Variants in ASIC2 observed in about 807,000 individuals in gnomAD.
ASIC2 encodes the protein acid-sensing ion channel 2.
A neutral mutation model predicts 57.3 loss-of-function variants in ASIC2; 25 were observed. The ratio of observed to expected loss-of-function variants is 0.44; its 90% CI spans 0.32 to 0.61. The LOEUF (loss-of-function observed/expected upper bound fraction) is 0.61. Ranked by LOEUF, ASIC2 falls within the 20% of genes least tolerant of loss-of-function variation. The pLI is 0.06. For synonymous variants in ASIC2, 319 were observed against 307.5 expected (o/e 1.04, Z -0.39); for missense variants, 641 against 738.1 (o/e 0.87, Z 1.52).
rs117541041 is a variant in ASIC2, at chr17:34,020,905, T to C, written c.555+135073A>G. Among the ~76,000 whole-genome samples, 868 of 152,298 alleles carry C rather than the reference T, an allele frequency of 5.7e-3. 3 individuals are homozygous for C. Among genetic ancestry groups the C allele is most frequent in the Non-Finnish European group, 9.7e-3 (659 of 68,024 alleles). Reference sequence around the variant, plus strand: ...TTGTTTTAAGTTGCTAAGTTTATGGTGATTGGTTATATAACAATAGAAAAG... The same window carrying C: ...TTGTTTTAAGTTGCTAAGTTTATGGCGATTGGTTATATAACAATAGAAAAG... On this transcript the variant is annotated intron_variant, in intron 1 of 9. Transcript: ENST00000359872.
chr17:33,612,290 A>T (rs2142016246), intron 1 of ASIC2, among the ~76,000 whole-genome samples: 1 of 152,280 alleles, frequency 6.6e-6, no homozygotes, highest in African/African-American at 2.4e-5. Context: ...TGACACAAAA[A>T]ATTGGTCATC....
chr17:33,870,969 T>C (rs1292543661), intron 1 of ASIC2, among the ~76,000 whole-genome samples: 1 of 152,190 alleles, frequency 6.6e-6, no homozygotes, highest in Admixed American at 6.5e-5. Flanking sequence ...TGCGCTTTGC[T>C]TGTGCCCACC....
chr17:33,812,405 G>C (rs1040287498), intron 1 of ASIC2, among the ~76,000 whole-genome samples: 1 of 152,212 alleles, frequency 6.6e-6, no homozygotes, highest in African/African-American at 2.4e-5. Context: ...TCCCCTGCCT[G>C]TCCATGAGTT....
chr17:33,840,094 T>G (rs1202033293), intron 1 of ASIC2, among the ~76,000 whole-genome samples: 4 of 152,264 alleles, frequency 2.6e-5, no homozygotes, highest in Non-Finnish European at 4.4e-5. Context: ...TTCTGATGAT[T>G]TATTTGGTGT....
intron 1 of ASIC2, among the ~76,000 whole-genome samples, chr17:33,722,737 G>A (rs948946881): frequency 6.6e-5 from 10 of 152,226 alleles, no homozygotes; most frequent in Non-Finnish European, 8.8e-5. Flanking sequence ...CACTGCAGCC[G>A]GGGTAACAGG....
intron 1 of ASIC2, among the ~76,000 whole-genome samples, chr17:34,042,011 T>G (rs555721672): frequency 5.3e-5 from 8 of 152,198 alleles, no homozygotes; most frequent in Non-Finnish European, 1.0e-4. Context: ...ATTAGAGAAT[T>G]GTAGGACAAA....
chr17:33,628,561 A>G (rs1216216300), intron 1 of ASIC2, among the ~76,000 whole-genome samples: 1 of 152,056 alleles, frequency 6.6e-6, no homozygotes, highest in Non-Finnish European at 1.5e-5. Context: ...CTCCCAAGGT[A>G]TGAGGGTTAC....
intron 1 of ASIC2, among the ~76,000 whole-genome samples, chr17:33,155,969 C>T (rs1904990982): frequency 6.6e-6 from 1 of 152,138 alleles, no homozygotes; most frequent in Non-Finnish European, 1.5e-5. Context: ...TCAGACCTAC[C>T]ATGGTTTGAA....
intron 1 of ASIC2, among the ~76,000 whole-genome samples, chr17:33,375,375 T>C (rs984375056): frequency 2.8e-5 from 4 of 140,562 alleles, no homozygotes; most frequent in African/African-American, 8.0e-5. Flanking sequence ...AGAGAGGCAG[T>C]GTGGTGGGGG....
At chr17:33,941,772 G>A (rs910353341) in intron 1 of ASIC2, among the ~76,000 whole-genome samples, 1 of 152,202 alleles carries the variant, frequency 6.6e-6, no homozygotes, top group African/African-American at 2.4e-5. Context: ...CTGTGCTTCT[G>A]CCTGGGACAT....
At chr17:33,444,195 A>T (rs1400451648) in intron 1 of ASIC2, among the ~76,000 whole-genome samples, 2 of 152,202 alleles carry the variant, frequency 1.3e-5, no homozygotes, top group African/African-American at 4.8e-5. Context: ...GAAAGGATTT[A>T]TCAACTTCTT....
chr17:33,504,685 C>A (rs927990393), intron 1 of ASIC2, among the ~76,000 whole-genome samples: 4 of 152,182 alleles, frequency 2.6e-5, no homozygotes, highest in African/African-American at 7.2e-5. Flanking sequence ...TTGCCGCATA[C>A]TCCTGGTGAC....
intron 1 of ASIC2, among the ~76,000 whole-genome samples, chr17:33,780,163 G>C (rs1393022754): frequency 6.6e-6 from 1 of 151,906 alleles, no homozygotes; most frequent in East Asian, 1.9e-4. Context: ...TAGAGACGGG[G>C]TTTTGCTATG....
rs183857045 is a variant in ASIC2, at chr17:33,276,994, C to T, written c.708+14414G>A. Among the ~76,000 whole-genome samples, 685 of 152,284 alleles carry T rather than the reference C, an allele frequency of 4.5e-3. 3 individuals are homozygous for T. Among genetic ancestry groups the T allele is most frequent in the Middle Eastern group, 0.024 (7 of 294 alleles). On this transcript the variant is annotated intron_variant, in intron 1 of 9. Coordinates refer to ENST00000225823, the MANE Select transcript of ASIC2 (RefSeq NM_183377.2). ...ACATCCTTGCTACATATAATGTGGT[C>T]CCATGTACCCGTGGTATTGATGTCA...
chr17:33,983,604 C>A (rs1905703282), intron 1 of ASIC2, among the ~76,000 whole-genome samples: 1 of 152,192 alleles, frequency 6.6e-6, no homozygotes, highest in South Asian at 2.1e-4. Flanking sequence ...CTGCCTGCTG[C>A]CAATGTACCA....
intron 1 of ASIC2, among the ~76,000 whole-genome samples, chr17:34,095,693 TTA>T (rs1413132351): frequency 1.4e-5 from 2 of 141,720 alleles, no homozygotes; most frequent in Non-Finnish European, 1.5e-5. Context: ...ATATATAATT[TTA>T]TATAGAGATA....
At chr17:33,899,070 G>A (rs959940572) in intron 1 of ASIC2, among the ~76,000 whole-genome samples, 3 of 151,324 alleles carry the variant, frequency 2.0e-5, no homozygotes, top group Non-Finnish European at 2.9e-5. Flanking sequence ...AGAGCTTGCA[G>A]TGAGCTGAGA....
intron 1 of ASIC2, among the ~76,000 whole-genome samples, chr17:33,183,516 A>G (rs941226151): frequency 2.6e-5 from 4 of 152,212 alleles, no homozygotes; most frequent in African/African-American, 4.8e-5. Context: ...GTTTAGAAAA[A>G]GGATACTGGT....
rs1228438131 is a variant in ASIC2 at position 33,048,630 on chromosome 17, G to A, written c.988-20238C>T. 2.0e-5 allele frequency among the ~76,000 whole-genome samples: 3 copies of A among 152,196 alleles called. No individual in the cohort carries two copies. The East Asian group carries it at 5.8e-4, about 29-fold the overall frequency. On this transcript the variant is annotated intron_variant, in intron 3 of 9. Coordinates refer to ENST00000225823, the MANE Select transcript of ASIC2 (RefSeq NM_183377.2). Reference sequence around the variant, plus strand: ...ACGTCATCTGCTACAGATTACACAGGTGGTGCAGTTGAGTCCTTGAAATCT... The same window carrying A: ...ACGTCATCTGCTACAGATTACACAGATGGTGCAGTTGAGTCCTTGAAATCT...
Sources: allele counts gnomAD v4.1 joint callset (sites outside exome capture counted in the v4.1 genomes callset), GRCh38; gene constraint gnomAD v4.1.1; transcripts MANE v1.5; gene names NCBI Gene and HGNC (gene_info 2026-07-23, HGNC 2026-07-21).